Variants in UNC5D observed in about 807,000 individuals in gnomAD.
UNC5D encodes unc-5 netrin receptor D.
UNC5D carries 39 observed loss-of-function variants against 105.4 expected under a neutral mutation model. That is an observed-to-expected ratio of 0.37 (90% CI 0.29 to 0.48). UNC5D has a LOEUF of 0.48. UNC5D is among the 20% of genes least tolerant of loss of function. UNC5D has a pLI of 0.98. For synonymous variants in UNC5D, 452 were observed against 450.4 expected (o/e 1.00, Z -0.04); for missense variants, 991 against 1,202.4 (o/e 0.82, Z 2.60).
chr8:35,467,041 G>C (rs1338981623), intron 1 of UNC5D, among the ~76,000 whole-genome samples: 1 of 152,152 alleles, frequency 6.6e-6, no homozygotes, highest in South Asian at 2.1e-4. Flanking sequence ...CTTTGACAAG[G>C]GGTGAAATTC....
intron 4 of UNC5D, among the ~76,000 whole-genome samples, chr8:35,633,143 C>T (rs1277610503): frequency 6.6e-6 from 1 of 152,186 alleles, no homozygotes; most frequent in Non-Finnish European, 1.5e-5. Context: ...AGCCTTGCCA[C>T]CTGCAATATT....
chr8:35,787,821 TG>T (rs1318614600), intron 16 of UNC5D, among the ~76,000 whole-genome samples: 1 of 152,100 alleles, frequency 6.6e-6, no homozygotes, highest in African/African-American at 2.4e-5. Flanking sequence ...AGTCTTGCTA[TG>T]TTTTCCAGGC....
intron 3 of UNC5D, among the ~76,000 whole-genome samples, chr8:35,571,887 A>C (rs77372127): frequency 0.028 from 4,289 of 152,306 alleles, 197 homozygotes; most frequent in African/African-American, 0.098. Context: ...GGGCTTTGCA[A>C]AATTGGTATC....
chr8:35,247,640 AATATATATT>A (rs1803222034), intron 1 of UNC5D, among the ~76,000 whole-genome samples: 1 of 61,900 alleles, frequency 1.6e-5, no homozygotes, highest in Non-Finnish European at 2.7e-5. Flanking sequence ...ATAATATATA[AATATATATT>A]ATATATAAAA....
At chr8:35,445,825 T>C (rs1483863051) in intron 1 of UNC5D, among the ~76,000 whole-genome samples, 1 of 152,088 alleles carries the variant, frequency 6.6e-6, no homozygotes, top group Non-Finnish European at 1.5e-5. Flanking sequence ...AAAAAAGTGA[T>C]TAATACATCT....
At chr8:35,523,057 A>T (rs1033230710) in intron 1 of UNC5D, among the ~76,000 whole-genome samples, 3 of 151,170 alleles carry the variant, frequency 2.0e-5, no homozygotes, top group African/African-American at 4.9e-5. Flanking sequence ...TTTTTTTTTT[A>T]AATAATTACA....
chr8:35,330,012 G>A (rs1810490027), intron 1 of UNC5D, among the ~76,000 whole-genome samples: 1 of 152,142 alleles, frequency 6.6e-6, no homozygotes, highest in African/African-American at 2.4e-5. Flanking sequence ...TGAGGTAGGT[G>A]TGCTGATTGT....
chr8:35,335,756 A>ATTTTTTTTTTTTTTTTTTTTT, intron 1 of UNC5D, among the ~76,000 whole-genome samples: 1 of 90,484 alleles, frequency 1.1e-5, no homozygotes, highest in Non-Finnish European at 2.0e-5. Flanking sequence ...AGAGATTGCA[A>ATTTTTTTTTTTTTTTTTTTTT]TTTTTTTTTT....
intron 4 of UNC5D, among the ~76,000 whole-genome samples, chr8:35,621,708 C>T (rs1194534139): frequency 6.6e-6 from 1 of 152,162 alleles, no homozygotes; most frequent in African/African-American, 2.4e-5. Context: ...TAGATGAATA[C>T]CATCAGGCCA....
At chr8:35,645,088 A>G (rs1822966624) in intron 4 of UNC5D, among the ~76,000 whole-genome samples, 1 of 151,926 alleles carries the variant, frequency 6.6e-6, no homozygotes, top group Non-Finnish European at 1.5e-5. Flanking sequence ...AATGCTTCCT[A>G]CTCTGGCACA....
chr8:35,567,823 G>A (rs1039025714), intron 2 of UNC5D, among the ~76,000 whole-genome samples: 4 of 152,154 alleles, frequency 2.6e-5, no homozygotes, highest in African/African-American at 9.7e-5. Context: ...TAGTACCAAA[G>A]AAAGACAAAC....
At chr8:35,743,658 A>T (rs1356872421) in intron 11 of UNC5D, among the ~76,000 whole-genome samples, 1 of 152,140 alleles carries the variant, frequency 6.6e-6, no homozygotes, top group Non-Finnish European at 1.5e-5. Flanking sequence ...AATAATATCA[A>T]GAATTCCTGT....
intron 1 of UNC5D, among the ~76,000 whole-genome samples, chr8:35,343,220 G>A (rs1336421783): frequency 2.0e-5 from 3 of 151,966 alleles, no homozygotes; most frequent in Non-Finnish European, 2.9e-5. Flanking sequence ...CTGATCTGTC[G>A]AGCTCTCCTC....
rs139257672 is a variant in UNC5D, at chr8:35,692,892, T to C, written c.1084+6183T>C. The stretch of plus-strand genomic sequence containing the variant: ...ATACTCAATAGCTTGCCTTTCTGCA[T>C]AACAATTGATTAATTCATAATTTGC... On this transcript the variant is annotated intron_variant, in intron 7 of 16. Coordinates refer to ENST00000404895, the MANE Select transcript of UNC5D (RefSeq NM_080872.4). 1.7e-3 allele frequency among the ~76,000 whole-genome samples: 260 copies of C among 152,354 alleles called. 1 individual carries two copies. The highest frequency in any genetic ancestry group is 6.0e-3 in the African/African-American group (248 of 41,590).
chr8:35,440,355 G>C (rs926122253), intron 1 of UNC5D, among the ~76,000 whole-genome samples: 1 of 151,924 alleles, frequency 6.6e-6, no homozygotes, highest in Non-Finnish European at 1.5e-5. Context: ...CTCAGCCCGG[G>C]TGTCTCGGAA....
At chr8:35,394,180 T>C (rs1309011269) in intron 1 of UNC5D, among the ~76,000 whole-genome samples, 1 of 152,210 alleles carries the variant, frequency 6.6e-6, no homozygotes, top group African/African-American at 2.4e-5. Context: ...TGTACAAAGA[T>C]GTTTGTCATA....
At chr8:35,264,228 C>G (rs1431306720) in intron 1 of UNC5D, among the ~76,000 whole-genome samples, 1 of 152,208 alleles carries the variant, frequency 6.6e-6, no homozygotes, top group Admixed American at 6.5e-5. Flanking sequence ...TTTGCTCAGG[C>G]ACTGCAGATG....
intron 1 of UNC5D, among the ~76,000 whole-genome samples, chr8:35,264,194 G>A (rs1298469841): frequency 1.3e-5 from 2 of 152,182 alleles, no homozygotes; most frequent in Admixed American, 6.5e-5. Flanking sequence ...AGCAAAAATT[G>A]TAGCTTATCA....
intron 4 of UNC5D, among the ~76,000 whole-genome samples, chr8:35,671,218 T>C (rs1824782096): frequency 6.6e-6 from 1 of 152,194 alleles, no homozygotes; most frequent in African/African-American, 2.4e-5. Context: ...CTTATATTTG[T>C]TTCCTTAATT....
Sources: gnomAD v4.1 joint callset for allele counts (sites outside exome capture counted in the v4.1 genomes callset) on GRCh38, gnomAD v4.1.1 for gene constraint, MANE v1.5 for transcripts, NCBI Gene and HGNC (gene_info 2026-07-23, HGNC 2026-07-21) for gene names.